The following PRPF38A variants were observed in gnomAD, a reference collection of about 807,000 sequenced individuals.
The protein encoded by PRPF38A is pre-mRNA processing factor 38A, also known as pre-mRNA-splicing factor 38A.
Under a neutral mutation model 46.8 loss-of-function variants are expected in PRPF38A, and 11 were observed. The observed-to-expected ratio is 0.24, with a 90% CI of 0.15 to 0.39. The LOEUF is 0.39. Among genes scored for constraint, PRPF38A ranks in the 10% least tolerant of loss-of-function variants. The pLI is 1.00. For missense variants in PRPF38A, 261 were observed against 407.5 expected, an observed-to-expected ratio of 0.64 and a Z score of 3.10; for synonymous variants, 124 against 136.2, an observed-to-expected ratio of 0.91 and a Z score of 0.62.
intron 3 of PRPF38A, chr1:52,409,102 C>G (rs1557591851): frequency 6.0e-6 from 1 of 167,304 alleles, no homozygotes; most frequent in Non-Finnish European, 1.3e-5. Flanking sequence ...GTAATTCACA[C>G]TGCAGCATAT....
At chr1:52,408,187 C>G in intron 2 of PRPF38A, 1 of 345,970 alleles carries the variant, frequency 2.9e-6, no homozygotes, top group Non-Finnish European at 5.6e-6. Flanking sequence ...TTGCAGTGAG[C>G]CAAGATCGTG....
intron 2 of PRPF38A, among the ~76,000 whole-genome samples, chr1:52,407,218 C>T (rs1014429568): frequency 3.3e-5 from 5 of 152,168 alleles, no homozygotes; most frequent in African/African-American, 9.7e-5. Flanking sequence ...GGCATTTCAC[C>T]GCGTTAGCCA....
At position 52,408,694 on chromosome 1, in the gene PRPF38A, AGT is replaced by A; in HGVS notation, c.412+5_412+6del. Reference sequence around the variant, plus strand: ...AAGAGCCAGAACCGAAATGGGGGTAAGTATGGTGCTAAGTCTCCTGATTGTCA... The same window carrying A: ...AAGAGCCAGAACCGAAATGGGGGTAAATGGTGCTAAGTCTCCTGATTGTCA... On this transcript the variant is annotated splice_donor_5th_base_variant and intron_variant, in intron 3 of 9. Coordinates refer to ENST00000257181, the MANE Select transcript of PRPF38A (RefSeq NM_032864.4). 1 of 1,613,954 alleles carries A rather than the reference AGT, an allele frequency of 6.2e-7. No individual in the cohort carries two copies. Among genetic ancestry groups the A allele is most frequent in the Non-Finnish European group, 8.5e-7 (1 of 1,179,854 alleles).
intron 1 of PRPF38A, 44 bp from the exon 2 acceptor site, chr1:52,405,636 A>C (rs748131138): frequency 6.0e-5 from 95 of 1,592,910 alleles, no homozygotes; most frequent in Non-Finnish European, 7.9e-5. Context: ...CCAACTAGGA[A>C]GAGCTTAGCC....
chr1:52,404,803 A>G lies in PRPF38A; in HGVS notation c.54A>G (p.Gln18=), dbSNP rs891125386. 3.7e-6 allele frequency: 6 copies of G among 1,614,068 alleles called. No individual in the cohort carries two copies. The highest frequency in any genetic ancestry group is 2.7e-5 in the African/African-American group (2 of 74,938). ...DAHSIHGTNP[Q]YLVEKIIRTR... ...ACAGCATCCATGGCACCAACCCTCA[A>G]TATCTGGTGGAGAAGATCATTCGAA... is the stretch of plus-strand genomic sequence containing the variant. The change falls in exon 1 of 10, where the codon CAA becomes CAG. Residue 18 remains glutamine, a synonymous_variant. Coordinates refer to ENST00000257181, the MANE Select transcript of PRPF38A (RefSeq NM_032864.4).
rs1356294798 is a variant in PRPF38A at position 52,418,854 on chromosome 1, G to GA, written c.*2165dup. 6.6e-6 allele frequency: 1 copy of GA among 152,226 alleles called. No homozygotes were observed. Among genetic ancestry groups the GA allele is most frequent in the East Asian group, 1.9e-4 (1 of 5,204 alleles). The allele number at this position is 152,226 out of a possible 1,614,324, so 9.4% of individuals were successfully genotyped here. A position where few individuals can be genotyped will look rare whatever the true frequency, so the allele number is the denominator to read the frequency against. On this transcript the variant is annotated 3_prime_UTR_variant, in exon 10 of 10. Coordinates refer to ENST00000257181, the MANE Select transcript of PRPF38A (RefSeq NM_032864.4). ...TCTGTACACATCTGTATTCTGTACT[G>GA]AGACAAATTTCAGGAAAGAATACTT...
In PRPF38A at chr1:52,417,734, A is replaced by G. The variant is rs1648331939; in HGVS notation, c.*1044A>G. On this transcript the variant is annotated 3_prime_UTR_variant, in exon 10 of 10. Coordinates refer to ENST00000257181, the MANE Select transcript of PRPF38A (RefSeq NM_032864.4). ...GTGGAATCTGTCAATAAGACTTCCC[A>G]GAGTGTTAATATATATCAGAAATGC... The G allele has an allele frequency of 6.6e-6, 1 of 152,116 alleles. No homozygotes were observed. The highest frequency in any genetic ancestry group is 2.4e-5 in the African/African-American group (1 of 41,352). 9.4% of individuals were successfully genotyped at this position (152,116 alleles called of 1,614,324 possible). A position where few individuals can be genotyped will look rare whatever the true frequency, so the allele number is the denominator to read the frequency against.
At chr1:52,409,400 C>T (rs954858332) in intron 3 of PRPF38A, 2 of 152,262 alleles carry the variant, frequency 1.3e-5, no homozygotes, top group African/African-American at 4.8e-5. Context: ...CACTTGAGGT[C>T]AGGAGTTTGA....
intron 5 of PRPF38A, among the ~76,000 whole-genome samples, chr1:52,412,946 G>C (rs1273478127): frequency 1.3e-5 from 2 of 151,506 alleles, no homozygotes; most frequent in Non-Finnish European, 2.9e-5. Context: ...AGGTTGCAGT[G>C]AGCCAAGATC....
chr1:52,411,579 A>G (rs973286642), intron 4 of PRPF38A, among the ~76,000 whole-genome samples: 12 of 152,314 alleles, frequency 7.9e-5, no homozygotes, highest in African/African-American at 2.6e-4. Flanking sequence ...TAGAGTAGGT[A>G]GGGAGTTTTT....
At chr1:52,408,529 T>C in intron 2 of PRPF38A, 40 bp from the exon 3 acceptor site, 2 of 1,613,502 alleles carry the variant, frequency 1.2e-6, no homozygotes, top group African/African-American at 2.7e-5. Flanking sequence ...CTCAGGAACT[T>C]CTAGGATGGC....
chr1:52,408,429 G>A, intron 2 of PRPF38A, 140 bp from the exon 3 acceptor site: 2 of 1,118,956 alleles, frequency 1.8e-6, no homozygotes, highest in South Asian at 2.5e-5. Flanking sequence ...TTCTTCTGCT[G>A]CATTCTACCT....
chr1:52,406,020 T>C (rs1014737807), intron 2 of PRPF38A, among the ~76,000 whole-genome samples, 181 bp downstream of exon 2: 3 of 152,158 alleles, frequency 2.0e-5, no homozygotes, highest in African/African-American at 7.2e-5. Flanking sequence ...ACAGAGTCTC[T>C]CTGTGTTGCC....
rs1236849638 is a variant in PRPF38A at position 52,420,493 on chromosome 1, CTT to C, written c.*3805_*3806del. 1.3e-5 allele frequency: 2 copies of C among 152,110 alleles called. No homozygotes were observed. Among genetic ancestry groups the C allele is most frequent in the Admixed American group, 6.5e-5 (1 of 15,274 alleles). 9.4% of individuals were successfully genotyped at this position (152,110 alleles called of 1,614,324 possible). A position where few individuals can be genotyped will look rare whatever the true frequency, so the allele number is the denominator to read the frequency against. ...ATGAAGCTAGAAAAAAAAATAGCCT[CTT>C]TATTGTTTTCCGTAATTGTCCTTAA... On this transcript the variant is annotated 3_prime_UTR_variant, in exon 10 of 10. Coordinates refer to ENST00000257181, the MANE Select transcript of PRPF38A (RefSeq NM_032864.4).
chr1:52,413,091 G>T (rs1039960866), intron 5 of PRPF38A, among the ~76,000 whole-genome samples: 2 of 152,028 alleles, frequency 1.3e-5, no homozygotes, highest in Non-Finnish European at 2.9e-5. Context: ...ATAATCTTAC[G>T]CAAATTACTT....
At chr1:52,412,177 C>T (rs1485878164) in intron 4 of PRPF38A, among the ~76,000 whole-genome samples, 1 of 152,180 alleles carries the variant, frequency 6.6e-6, no homozygotes, top group African/African-American at 2.4e-5. Flanking sequence ...AACTACCAGC[C>T]ATGAACTTAT....
intron 2 of PRPF38A, among the ~76,000 whole-genome samples, chr1:52,406,584 A>G (rs1191807813): frequency 1.3e-5 from 2 of 152,194 alleles, no homozygotes; most frequent in Non-Finnish European, 2.9e-5. Context: ...AATGGTGACT[A>G]TAATATAAGA....
In PRPF38A at chr1:52,415,388, T is replaced by C; in HGVS notation, c.896+2T>C. On this transcript the variant is annotated splice_donor_variant, in intron 9 of 9. Transcript: ENST00000257181. LOFTEE classifies it high-confidence loss of function. ...GAGCCACTCAAAGTCTCCCGAAAGG[T>C]AATGAATTGACCTCTATTTTAACTT... 1 of 1,612,578 alleles carries C rather than the reference T, an allele frequency of 6.2e-7. No individual in the cohort carries two copies. The highest frequency in any genetic ancestry group is 8.5e-7 in the Non-Finnish European group (1 of 1,178,742).
intron 5 of PRPF38A, 74 bp downstream of exon 5, chr1:52,412,698 C>A: frequency 9.6e-7 from 1 of 1,037,540 alleles, no homozygotes; most frequent in Non-Finnish European, 1.5e-6. Context: ...TGTTTTTAGA[C>A]TTTAATTTTT....
Sources: allele counts gnomAD v4.1 joint callset (sites outside exome capture counted in the v4.1 genomes callset), GRCh38; gene constraint gnomAD v4.1.1; transcripts MANE v1.5; gene names NCBI Gene and HGNC (gene_info 2026-07-23, HGNC 2026-07-21).